The following MUC4 variants were observed in gnomAD, a reference collection of about 807,000 sequenced individuals.
The protein encoded by MUC4 is mucin-4.
A neutral mutation model predicts 257.9 loss-of-function variants in MUC4; 202 were observed. That is an observed-to-expected ratio of 0.78 (90% CI 0.70 to 0.88). MUC4 has a LOEUF of 0.88. MUC4 is among the 40% of genes least tolerant of loss of function. The pLI is 0.00. For synonymous variants in MUC4, 2,351 were observed against 2,757.1 expected (o/e 0.85, Z 4.62); for missense variants, 5,976 against 6,513.7 (o/e 0.92, Z 2.84).
At position 195,789,166 on chromosome 3, in the gene MUC4, G is replaced by A; in HGVS notation, c.2414C>T (p.Pro805Leu). ...SRTTSAGTATPSSSGASGTTP... is the reference protein window; with the variant it reads ...SRTTSAGTATLSSSGASGTTP... Reference sequence around the variant, plus strand: ...TGTGCCACTCGCCCCGGATGAGGAAGGGGTAGCTGTGCCCGCTGAGGTGGT... The same window carrying A: ...TGTGCCACTCGCCCCGGATGAGGAAAGGGTAGCTGTGCCCGCTGAGGTGGT... Residue 805 changes from proline (P) to leucine (L), a missense_variant, in exon 2 of 25, where the codon CCT becomes CTT. Pro to Leu is a moderately conservative substitution (Grantham distance 98). Transcript: ENST00000463781. 1.2e-6 allele frequency: 2 copies of A among 1,613,882 alleles called. No homozygotes were observed. Among genetic ancestry groups the A allele is most frequent in the Non-Finnish European group, 1.7e-6 (2 of 1,179,848 alleles).
chr3:195,770,339 C>A lies in MUC4; in HGVS notation c.13275G>T (p.Leu4425=), dbSNP rs1308059080. 6.2e-7 allele frequency: 1 copy of A among 1,613,950 alleles called. No individual in the cohort carries two copies. Among genetic ancestry groups the A allele is most frequent in the Non-Finnish European group, 8.5e-7 (1 of 1,179,962 alleles). ...TCCAAGACTCGGCCTGCTGGACTAG[C>A]AGGCTGTGTTCACCATAGAACGTCT... The part of the protein sequence containing the change: ...EYETFYGEHS[L]LVQQAESWIR... Residue 4425 remains leucine (L), a synonymous_variant, in exon 6 of 25, where the codon CTG becomes CTT. Transcript: ENST00000463781.
At position 195,778,339 on chromosome 3, in the gene MUC4, A is replaced by G; in HGVS notation, c.12907T>C (p.Ser4303Pro). The G allele has an allele frequency of 2.5e-6, 4 of 1,612,312 alleles. No homozygotes were observed. Among genetic ancestry groups the G allele is most frequent in the Non-Finnish European group, 3.4e-6 (4 of 1,179,728 alleles). The part of the protein sequence containing the change: ...TIPSTAMHTR[S>P]TAAPIPILPE... ...AGGATGGGGATGGGGGCAGCTGTGG[A>G]GCGGGTGTGCATGGCAGTGCTGGGA... is the stretch of plus-strand genomic sequence containing the variant. The change falls in exon 3 of 25, where the codon TCC becomes CCC. Residue 4303 changes from serine to proline, a missense_variant. Physicochemically the swap from Ser to Pro is moderately conservative, Grantham distance 74 (BLOSUM62 -1). Coordinates refer to ENST00000463781, the MANE Select transcript of MUC4 (RefSeq NM_018406.7).
intron 20 of MUC4, 117 bp downstream of exon 20, chr3:195,752,934 C>G: frequency 1.0e-6 from 1 of 954,766 alleles, no homozygotes; most frequent in Admixed American, 2.9e-5. Context: ...AAATCTGGAG[C>G]TCTGTCCTGT....
At chr3:195,749,576 G>A (rs1319921912) in intron 23 of MUC4, among the ~76,000 whole-genome samples, 89 of 152,092 alleles carry the variant, frequency 5.9e-4, no homozygotes, top group African/African-American at 2.0e-3. Flanking sequence ...GTACAGTGCC[G>A]GACACACAGT....
chr3:195,748,757 C>A, intron 24 of MUC4, 145 bp downstream of exon 24: 1 of 1,099,080 alleles, frequency 9.1e-7, no homozygotes. Flanking sequence ...ACAGAGCAGG[C>A]ACTCACAACT....
In MUC4 at chr3:195,747,308, G is replaced by T; in HGVS notation, c.16107C>A (p.Phe5369Leu). 1.2e-6 allele frequency: 2 copies of T among 1,614,160 alleles called. No homozygotes were observed. Among genetic ancestry groups the T allele is most frequent in the Non-Finnish European group, 1.7e-6 (2 of 1,179,948 alleles). Residue 5369 changes from phenylalanine (F) to leucine (L), a missense_variant, in exon 25 of 25, where the codon TTC becomes TTA. Phe to Leu is a conservative substitution (Grantham distance 22, BLOSUM62 0). Coordinates refer to ENST00000463781, the MANE Select transcript of MUC4 (RefSeq NM_018406.7). ...CCAGGGCCCCAAAGAAGATGCCGAA[G>T]AACGCGTCGAGTTTCATGCTCAGGT... ...CEHLSMKLDA[F>L]FGIFFGALGG...
chr3:195,767,590 A>ATTG (rs1560262160), intron 7 of MUC4, among the ~76,000 whole-genome samples: 8 of 119,188 alleles, frequency 6.7e-5, no homozygotes, highest in African/African-American at 1.6e-4. Context: ...CACCATCACC[A>ATTG]CCACCACCAT....
rs751870830 is a variant in MUC4 at position 195,779,966 on chromosome 3, G to A, written c.11614C>T (p.Pro3872Ser). Residue 3872 changes from proline (P) to serine (S), a missense_variant, in exon 2 of 25, where the codon CCT (proline) becomes TCT (serine). Physicochemically the swap from Pro to Ser is moderately conservative, Grantham distance 74 (BLOSUM62 -1). This residue lies in a region of MUC4 where 330 missense variants were observed against 262.0 expected (regional missense o/e 1.26). Coordinates refer to ENST00000463781, the MANE Select transcript of MUC4 (RefSeq NM_018406.7). Reference protein sequence around the residue: ...PSSASTGHATPLPVTGLSSAS... With the variant: ...PSSASTGHATSLPVTGLSSAS... The stretch of plus-strand genomic sequence containing the variant: ...GAGGAAAGGCCGGTAACAGGAAGAG[G>A]GGTGGCGTGACCTGTGGATGCTGAG... 16 of 1,446,244 alleles carry A rather than the reference G, an allele frequency of 1.1e-5. 2 individuals carry two copies. The highest frequency in any genetic ancestry group is 7.6e-5 in the South Asian group (6 of 79,154). 89.6% of individuals were successfully genotyped at this position (1,446,244 alleles called of 1,614,324 possible). A position where few individuals can be genotyped will look rare whatever the true frequency, so the allele number is the denominator to read the frequency against.
In MUC4 at chr3:195,751,033, G is replaced by A; in HGVS notation, c.15727C>T (p.Pro5243Ser). Residue 5243 changes from proline to serine, a missense_variant, in exon 23 of 25, where the codon CCG becomes TCG. By Grantham distance (74) the Pro-to-Ser change is moderately conservative (BLOSUM62 -1). Transcript: ENST00000463781. ...TGGTTGTTCAGGAAGTCAATGACCG[G>A]GCCCCGAGGGCGGTACTGGAACTCC... ...ISEFQYRPRGPVIDFLNNQLL... is the reference protein window; with the variant it reads ...ISEFQYRPRGSVIDFLNNQLL... The A allele has an allele frequency of 6.2e-7, 1 of 1,613,898 alleles. No homozygotes were observed. Among genetic ancestry groups the A allele is most frequent in the South Asian group, 1.1e-5 (1 of 91,040 alleles).
chr3:195,811,902 C>T lies in MUC4; in HGVS notation c.-85G>A. 1 of 1,369,150 alleles carries T rather than the reference C, an allele frequency of 7.3e-7. No individual in the cohort carries two copies. Among genetic ancestry groups the T allele is most frequent in the South Asian group, 1.3e-5 (1 of 79,022 alleles). 84.8% of individuals were successfully genotyped at this position (1,369,150 alleles called of 1,614,324 possible). On this transcript the variant is annotated 5_prime_UTR_variant, in exon 1 of 25. Coordinates refer to ENST00000463781, the MANE Select transcript of MUC4 (RefSeq NM_018406.7). ...GTGAGGAGCAGACGTGAGCCCGTCC[C>T]CTCAGGCGGCTGGCCCGAACCAAGT...
intron 10 of MUC4, 116 bp downstream of exon 10, chr3:195,764,881 A>C: frequency 7.0e-7 from 1 of 1,425,682 alleles, no homozygotes; most frequent in East Asian, 2.3e-5. Context: ...TTACCCGATC[A>C]GGAAGTGGAG....
intron 5 of MUC4, among the ~76,000 whole-genome samples, chr3:195,771,428 C>T (rs933903243): frequency 6.6e-6 from 1 of 151,098 alleles, no homozygotes; most frequent in Non-Finnish European, 1.5e-5. Context: ...TGGTCAGTCT[C>T]GTGGTTGGGT....
rs1189308190 is a variant in MUC4 at position 195,778,324 on chromosome 3, TG to T, written c.12921del (p.Ile4308SerfsTer119). On this transcript the variant is annotated frameshift_variant, in exon 3 of 25. Transcript: ENST00000463781. LOFTEE classifies it high-confidence loss of function. The part of the protein sequence containing the change: ...TAMHTRSTAA[P>X]IPILPERGVS... ...TCACCTCTCTCAGGCAGGATGGGGA[TG>T]GGGGCAGCTGTGGAGCGGGTGTGCA... 9.9e-6 allele frequency: 16 copies of T among 1,611,066 alleles called. No homozygotes were observed. Among genetic ancestry groups the T allele is most frequent in the Non-Finnish European group, 1.2e-5 (14 of 1,179,298 alleles).
At chr3:195,748,096 C>A (rs1270272758) in intron 24 of MUC4, among the ~76,000 whole-genome samples, 2 of 152,228 alleles carry the variant, frequency 1.3e-5, no homozygotes, top group Non-Finnish European at 2.9e-5. Context: ...CCCAGGTCTG[C>A]GTGGGGCCGC....
chr3:195,779,588 C>A lies in MUC4; in HGVS notation c.11992G>T (p.Ala3998Ser). 5 of 1,285,548 alleles carry A rather than the reference C, an allele frequency of 3.9e-6. No individual in the cohort carries two copies. The highest frequency in any genetic ancestry group is 4.9e-5 in the African/African-American group (2 of 40,616). The allele number at this position is 1,285,548 out of a possible 1,614,324, so 79.6% of individuals were successfully genotyped here. The change falls in exon 2 of 25, where the codon GCC becomes TCC. Residue 3998 changes from alanine (A) to serine (S), a missense_variant. By Grantham distance (99) the Ala-to-Ser change is moderately conservative. Coordinates refer to ENST00000463781, the MANE Select transcript of MUC4 (RefSeq NM_018406.7). Reference protein sequence around the residue: ...TDTSSVSTGHATPLPVTSTSS... With the variant: ...TDTSSVSTGHSTPLPVTSTSS... ...GTGCTGGTGACAGGAAGAGGGGTGG[C>A]GTGACCTGTGGATACTGAGGAAGTG...
Position 195,746,894 on chromosome 3 carries a change from GT to G in MUC4, c.*281del. 1 of 535,100 alleles carries G rather than the reference GT, an allele frequency of 1.9e-6. No individual in the cohort carries two copies. The allele number at this position is 535,100 out of a possible 1,614,324, so 33.1% of individuals were successfully genotyped here. On this transcript the variant is annotated 3_prime_UTR_variant, in exon 25 of 25. Coordinates refer to ENST00000463781, the MANE Select transcript of MUC4 (RefSeq NM_018406.7). Reference sequence around the variant, plus strand: ...CACCACATTATGAACTCGTGTGTGTGTGTGTGTGTGTGCACGCGCGCGTGCA... The same window carrying G: ...CACCACATTATGAACTCGTGTGTGTGGTGTGTGTGTGCACGCGCGCGTGCA...
chr3:195,792,565 C>T (rs975775419), intron 1 of MUC4, among the ~76,000 whole-genome samples: 3 of 152,174 alleles, frequency 2.0e-5, no homozygotes, highest in Non-Finnish European at 4.4e-5. Context: ...TTGTGGAAGA[C>T]AGTGTGGCGA....
rs778573397 is a variant in MUC4, at chr3:195,763,680, TC to T, written c.14045-40del. ...AGAGATGCTGCCTCAGCATGACAAATCATGTGTAGGGCTGAGGTTCCTCACT... is the reference window on the plus strand; with the variant it reads ...AGAGATGCTGCCTCAGCATGACAAATATGTGTAGGGCTGAGGTTCCTCACT... On this transcript the variant is annotated intron_variant, in intron 11 of 24. Coordinates refer to ENST00000463781, the MANE Select transcript of MUC4 (RefSeq NM_018406.7). The T allele has an allele frequency of 2.8e-6, 4 of 1,453,078 alleles. No individual in the cohort carries two copies. The South Asian group carries it at 5.7e-5, about 21-fold the overall frequency. 90.0% of individuals were successfully genotyped at this position (1,453,078 alleles called of 1,614,324 possible).
chr3:195,800,781 G>T (rs1453380984), intron 1 of MUC4, among the ~76,000 whole-genome samples: 3 of 151,714 alleles, frequency 2.0e-5, no homozygotes, highest in Non-Finnish European at 4.4e-5. Context: ...TCTCAGCTGG[G>T]CATGGTAGCT....
Sources: gnomAD v4.1 joint callset for allele counts (sites outside exome capture counted in the v4.1 genomes callset) on GRCh38, gnomAD v4.1.1 for gene constraint, gnomAD v4.1.1 regional missense constraint, MANE v1.5 for transcripts, NCBI Gene and HGNC (gene_info 2026-07-23, HGNC 2026-07-21) for gene names.